The following CRADD variants were observed in gnomAD, a reference collection of about 807,000 sequenced individuals.
CRADD encodes the protein CARD and death domain containing adaptor protein, also known as death domain-containing protein CRADD.
CRADD carries 9 observed loss-of-function variants against 15.5 expected under a neutral mutation model. The ratio of observed to expected loss-of-function variants is 0.58; its 90% CI spans 0.35 to 1.01. CRADD has a LOEUF of 1.01. CRADD is among the 50% of genes least tolerant of loss of function. The pLI, the probability that CRADD is intolerant of heterozygous loss-of-function variation, is 0.02. For missense variants in CRADD, 227 were observed against 250.3 expected (o/e 0.91, Z 0.63); for synonymous variants, 118 against 107.6 (o/e 1.10, Z -0.60).
At chr12:93,749,533 T>TGTG (rs1956807259) in intron 2 of CRADD, among the ~76,000 whole-genome samples, 1 of 151,306 alleles carries the variant, frequency 6.6e-6, no homozygotes. Flanking sequence ...TCTTCAGTGA[T>TGTG]ACTCCAGCCT....
At chr12:93,712,104 ATGTT>A (rs920081162) in intron 2 of CRADD, among the ~76,000 whole-genome samples, 84 of 152,050 alleles carry the variant, frequency 5.5e-4, no homozygotes, top group African/African-American at 1.9e-3. Flanking sequence ...CACAGTTCCT[ATGTT>A]CTGTTTTTTT....
intron 2 of CRADD, among the ~76,000 whole-genome samples, chr12:93,868,505 T>C (rs577034945): frequency 6.6e-6 from 1 of 152,304 alleles, no homozygotes; most frequent in Admixed American, 6.5e-5. Flanking sequence ...TATACAATGA[T>C]ATCTAAAATA....
chr12:93,715,046 T>G (rs2136872138), intron 2 of CRADD: 1 of 149,948 alleles, frequency 6.7e-6, no homozygotes, highest in Admixed American at 6.6e-5. Flanking sequence ...TGAGACATCA[T>G]CCAATGTCCT....
rs183944369 is a variant in CRADD, at chr12:93,679,369, G to A, written c.298+297G>A. Among the ~76,000 whole-genome samples, 282 of 152,052 alleles carry A rather than the reference G, an allele frequency of 1.9e-3. 1 individual carries two copies. Among genetic ancestry groups the A allele is most frequent in the Non-Finnish European group, 3.0e-3 (202 of 67,946 alleles). ...GTTGGCCAGGCTGGTCTCGAACTCC[G>A]TACCTCAGGTGATCCACCCACCTCC... On this transcript the variant is annotated intron_variant, in intron 2 of 2. Coordinates refer to ENST00000332896, the MANE Select transcript of CRADD (RefSeq NM_003805.5).
At chr12:93,783,711 G>T (rs1403370126) in intron 2 of CRADD, among the ~76,000 whole-genome samples, 1 of 152,112 alleles carries the variant, frequency 6.6e-6, no homozygotes, top group East Asian at 1.9e-4. Flanking sequence ...TTTTTTGTTA[G>T]AAGTCGAAGC....
At chr12:93,821,408 A>G (rs1957768408) in intron 2 of CRADD, among the ~76,000 whole-genome samples, 1 of 152,192 alleles carries the variant, frequency 6.6e-6, no homozygotes, top group Non-Finnish European at 1.5e-5. Context: ...TCTCTAGGTC[A>G]TGTACTGGAT....
intron 2 of CRADD, among the ~76,000 whole-genome samples, chr12:93,784,708 A>G (rs1172977598): frequency 6.6e-6 from 1 of 152,128 alleles, no homozygotes; most frequent in Non-Finnish European, 1.5e-5. Flanking sequence ...TGATATTAGA[A>G]CACAGAGTCC....
chr12:93,846,178 C>T (rs1339660005), intron 2 of CRADD, among the ~76,000 whole-genome samples: 1 of 152,218 alleles, frequency 6.6e-6, no homozygotes, highest in Non-Finnish European at 1.5e-5. Flanking sequence ...CGTATCCATT[C>T]ATCCAGTGGA....
chr12:93,776,474 A>G (rs886473442), intron 2 of CRADD, among the ~76,000 whole-genome samples: 1 of 152,208 alleles, frequency 6.6e-6, no homozygotes, highest in Non-Finnish European at 1.5e-5. Flanking sequence ...TTGTATCCGC[A>G]GGGTATGTGA....
At chr12:93,762,685 C>T (rs886368981) in intron 2 of CRADD, among the ~76,000 whole-genome samples, 1 of 152,184 alleles carries the variant, frequency 6.6e-6, no homozygotes, top group Non-Finnish European at 1.5e-5. Flanking sequence ...TTCCTGCCCC[C>T]AGTCCCTCAG....
rs181184679 is a variant in CRADD, at chr12:93,824,916, T to C, written c.299-25054T>C. Among the ~76,000 whole-genome samples, 61 of 152,352 alleles carry C rather than the reference T, an allele frequency of 4.0e-4. No individual in the cohort carries two copies. Among genetic ancestry groups the C allele is most frequent in the African/African-American group, 1.4e-3 (57 of 41,582 alleles). ...ACCCGTCTTTTTGCCAATTAAATGT[T>C]TACATTATCTTTTTGCTCAGATAGT... is the stretch of plus-strand genomic sequence containing the variant. On this transcript the variant is annotated intron_variant, in intron 2 of 2. Transcript: ENST00000332896. This position sits in a 1 kb window ranked among gnomAD's most constrained non-coding sequence, Gnocchi z 4.3.
intron 2 of CRADD, among the ~76,000 whole-genome samples, chr12:93,718,809 G>A (rs1274345905): frequency 1.3e-5 from 2 of 151,838 alleles, no homozygotes; most frequent in Non-Finnish European, 2.9e-5. Flanking sequence ...ACCCAGGCTG[G>A]AGTGCAGTGG....
intron 2 of CRADD, among the ~76,000 whole-genome samples, chr12:93,836,812 C>T (rs151004080): frequency 3.9e-5 from 6 of 152,326 alleles, no homozygotes; most frequent in African/African-American, 1.4e-4. Flanking sequence ...GAGTACATCA[C>T]TGAGCAGGAT....
downstream of CRADD, among the ~76,000 whole-genome samples, chr12:93,855,254 C>T (rs1044935832): frequency 6.6e-6 from 1 of 152,100 alleles, no homozygotes; most frequent in Non-Finnish European, 1.5e-5. Flanking sequence ...CAGACACACA[C>T]ACACACAGGC....
At chr12:93,762,124 A>G (rs1956972980) in intron 2 of CRADD, among the ~76,000 whole-genome samples, 1 of 152,248 alleles carries the variant, frequency 6.6e-6, no homozygotes, top group East Asian at 1.9e-4. Flanking sequence ...TTTTAAGCTA[A>G]ATAAAAGCCT....
intron 2 of CRADD, among the ~76,000 whole-genome samples, chr12:93,888,170 A>G (rs1400167137): frequency 6.6e-6 from 1 of 152,204 alleles, no homozygotes; most frequent in Non-Finnish European, 1.5e-5. Flanking sequence ...TTATGCCTGT[A>G]ATCCCAGCAC....
chr12:93,825,816 T>A (rs1388643519), intron 2 of CRADD, among the ~76,000 whole-genome samples: 1 of 152,172 alleles, frequency 6.6e-6, no homozygotes, highest in Non-Finnish European at 1.5e-5. Context: ...TTTCAGACCC[T>A]TTGATGCCAC....
At chr12:93,881,282 C>T (rs1418860910) in intron 2 of CRADD, among the ~76,000 whole-genome samples, 2 of 152,088 alleles carry the variant, frequency 1.3e-5, no homozygotes, top group Non-Finnish European at 2.9e-5. Context: ...AAGGTTCAGG[C>T]AGCACTTTGT....
intron 2 of CRADD, among the ~76,000 whole-genome samples, chr12:93,683,618 T>A (rs1955367858): frequency 6.6e-6 from 1 of 152,176 alleles, no homozygotes; most frequent in Admixed American, 6.5e-5. Flanking sequence ...GCTAGTCCAT[T>A]TCCCCTCTAC....
Sources: gnomAD v4.1 joint callset for allele counts (sites outside exome capture counted in the v4.1 genomes callset) on GRCh38, gnomAD v4.1.1 for gene constraint, Gnocchi (gnomAD v3.1) non-coding constraint, MANE v1.5 for transcripts, NCBI Gene and HGNC (gene_info 2026-07-23, HGNC 2026-07-21) for gene names.